The following CTNND2 variants were observed in gnomAD, a reference collection of about 807,000 sequenced individuals.
CTNND2 encodes catenin delta-2.
In CTNND2, 22 loss-of-function variants were observed where a neutral mutation model predicts 144.4. The ratio of observed to expected loss-of-function variants is 0.15; its 90% CI spans 0.11 to 0.22. The LOEUF is 0.22. CTNND2 is among the 10% of genes least tolerant of loss of function. CTNND2 has a pLI of 1.00. For missense variants in CTNND2, 1,353 were observed against 1,618.8 expected (o/e 0.84, Z 2.82); for synonymous variants, 751 against 695.6 (o/e 1.08, Z -1.25).
At chr5:11,184,450 A>G (rs1337798101) in intron 11 of CTNND2, among the ~76,000 whole-genome samples, 2 of 152,214 alleles carry the variant, frequency 1.3e-5, no homozygotes, top group East Asian at 3.8e-4. Flanking sequence ...TTCTCAAAAA[A>G]AAATCCAACA....
intron 1 of CTNND2, among the ~76,000 whole-genome samples, chr5:11,792,321 A>G (rs528161779): frequency 6.0e-4 from 92 of 152,344 alleles, no homozygotes; most frequent in Non-Finnish European, 1.2e-3. Context: ...ATATATTTTA[A>G]AAACTGTCTA....
intron 14 of CTNND2, among the ~76,000 whole-genome samples, chr5:11,099,390 T>C (rs148611733): frequency 3.3e-5 from 5 of 152,278 alleles, no homozygotes; most frequent in African/African-American, 4.8e-5. Context: ...TAATGAATAA[T>C]AGGATAATGT....
At chr5:11,080,337 A>G (rs541030034) in intron 16 of CTNND2, among the ~76,000 whole-genome samples, 87 of 152,338 alleles carry the variant, frequency 5.7e-4, no homozygotes, top group African/African-American at 2.0e-3. Flanking sequence ...ATGCAGAGAA[A>G]GAGAAACCCT....
chr5:11,439,766 A>G (rs1487423816), intron 3 of CTNND2, among the ~76,000 whole-genome samples: 1 of 151,042 alleles, frequency 6.6e-6, no homozygotes, highest in Non-Finnish European at 1.5e-5. Context: ...CTATCTATCT[A>G]TCTATCTATC....
intron 2 of CTNND2, among the ~76,000 whole-genome samples, chr5:11,633,054 A>G (rs1046361701): frequency 2.0e-5 from 3 of 152,122 alleles, no homozygotes; most frequent in Non-Finnish European, 4.4e-5. Context: ...GAGAGACAGG[A>G]GAGATAGAGA....
intron 18 of CTNND2, among the ~76,000 whole-genome samples, chr5:10,995,910 GAGA>G (rs1177821505): frequency 6.6e-6 from 1 of 152,152 alleles, no homozygotes; most frequent in Non-Finnish European, 1.5e-5. Context: ...TATGGAAAAT[GAGA>G]AGAAGTGAGG....
intron 10 of CTNND2, among the ~76,000 whole-genome samples, chr5:11,201,779 C>G (rs548855940): frequency 6.6e-6 from 1 of 152,090 alleles, no homozygotes; most frequent in Non-Finnish European, 1.5e-5. Flanking sequence ...ACTCAAGGAT[C>G]TTTTGGGTCA....
intron 3 of CTNND2, among the ~76,000 whole-genome samples, chr5:11,458,936 CTTT>C (rs111810611): frequency 7.0e-6 from 1 of 141,858 alleles, no homozygotes; most frequent in African/African-American, 2.6e-5. Flanking sequence ...TGTTTCTTTT[CTTT>C]TTTTTTTTTT....
intron 7 of CTNND2, among the ~76,000 whole-genome samples, chr5:11,372,111 T>A (rs1048972950): frequency 6.6e-6 from 1 of 152,240 alleles, no homozygotes; most frequent in Non-Finnish European, 1.5e-5. Flanking sequence ...GGTTTTCCGA[T>A]ACAATTTATT....
intron 11 of CTNND2, among the ~76,000 whole-genome samples, chr5:11,175,744 T>C (rs1760420403): frequency 6.6e-6 from 1 of 152,172 alleles, no homozygotes; most frequent in Non-Finnish European, 1.5e-5. Flanking sequence ...AGTCTCTCAA[T>C]ATGAATTCCT....
Position 11,110,935 on chromosome 5 carries a change from C to G in CTNND2, c.2386G>C (p.Gly796Arg). Reference sequence around the variant, plus strand: ...TCAGCATCCTTGCCATTGGCCTCGCCACAGAGTAGCCCGTCCAGCTCGTCC... The same window carrying G: ...TCAGCATCCTTGCCATTGGCCTCGCGACAGAGTAGCCCGTCCAGCTCGTCC... The part of the protein sequence containing the change: ...GTDELDGLLC[G>R]EANGKDAESS... Residue 796 changes from glycine to arginine, a missense_variant, in exon 14 of 22, where the codon GGC (glycine) becomes CGC (arginine). Gly to Arg is a moderately radical substitution (Grantham distance 125). Transcript: ENST00000304623. The G allele has an allele frequency of 6.2e-7, 1 of 1,614,148 alleles. No homozygotes were observed. Among genetic ancestry groups the G allele is most frequent in the Non-Finnish European group, 8.5e-7 (1 of 1,180,022 alleles).
intron 2 of CTNND2, among the ~76,000 whole-genome samples, chr5:11,591,355 G>A (rs905580526): frequency 2.0e-5 from 3 of 152,168 alleles, no homozygotes; most frequent in Non-Finnish European, 2.9e-5. Flanking sequence ...TATCCCTCTT[G>A]TAAGAAAATT....
intron 9 of CTNND2, among the ~76,000 whole-genome samples, chr5:11,333,360 C>T (rs1293667881): frequency 1.3e-5 from 2 of 152,080 alleles, no homozygotes; most frequent in African/African-American, 4.8e-5. Flanking sequence ...ACTTCCTGGG[C>T]TCAAATGATC....
At chr5:11,189,198 C>T (rs1344727194) in intron 11 of CTNND2, among the ~76,000 whole-genome samples, 1 of 152,174 alleles carries the variant, frequency 6.6e-6, no homozygotes, top group African/African-American at 2.4e-5. Context: ...TCCCTTCCTC[C>T]ATGTGGCTCC....
intron 1 of CTNND2, among the ~76,000 whole-genome samples, chr5:11,770,415 A>AGAAG (rs1206057309): frequency 0.069 from 692 of 9,964 alleles, 12 homozygotes; most frequent in Middle Eastern, 0.1. Context: ...AAAAAAGGAA[A>AGAAG]GAAGGAAGGA....
At chr5:11,447,707 CA>C (rs1313135950) in intron 3 of CTNND2, among the ~76,000 whole-genome samples, 1 of 152,114 alleles carries the variant, frequency 6.6e-6, no homozygotes, top group Non-Finnish European at 1.5e-5. Flanking sequence ...GCTGTGTACA[CA>C]AGGCACGTGG....
chr5:11,099,135 A>G (rs1751637119), intron 14 of CTNND2, among the ~76,000 whole-genome samples: 1 of 152,250 alleles, frequency 6.6e-6, no homozygotes, highest in African/African-American at 2.4e-5. Context: ...TAAGCATACT[A>G]CCAGTGTTGC....
intron 2 of CTNND2, among the ~76,000 whole-genome samples, chr5:11,637,808 C>T (rs1159778143): frequency 6.6e-6 from 1 of 152,030 alleles, no homozygotes; most frequent in African/African-American, 2.4e-5. Context: ...CACTCAAAAC[C>T]TATTATGTCT....
At chr5:11,596,858 C>T (rs1001540632) in intron 2 of CTNND2, among the ~76,000 whole-genome samples, 3 of 152,098 alleles carry the variant, frequency 2.0e-5, no homozygotes, top group Non-Finnish European at 2.9e-5. Context: ...TTTTTGTTTG[C>T]TTATCGGCAT....
Sources: allele counts gnomAD v4.1 joint callset (sites outside exome capture counted in the v4.1 genomes callset), GRCh38; gene constraint gnomAD v4.1.1; transcripts MANE v1.5; gene names NCBI Gene and HGNC (gene_info 2026-07-23, HGNC 2026-07-21).